Variants in CDH12 observed in about 807,000 individuals in gnomAD.
CDH12 encodes the protein cadherin 12.
In CDH12, 41 loss-of-function variants were observed where a neutral mutation model predicts 74.1. The ratio of observed to expected loss-of-function variants is 0.55; its 90% CI spans 0.43 to 0.72. The LOEUF is 0.72. Ranked by LOEUF, CDH12 falls within the 30% of genes least tolerant of loss-of-function variation. CDH12 has a pLI of 0.00. For missense variants in CDH12, 945 were observed against 977.2 expected (o/e 0.97, Z 0.44); for synonymous variants, 399 against 355.0 (o/e 1.12, Z -1.39).
At chr5:22,026,558 C>T (rs1359733360) in intron 5 of CDH12, among the ~76,000 whole-genome samples, 1 of 152,100 alleles carries the variant, frequency 6.6e-6, no homozygotes, top group African/African-American at 2.4e-5. Context: ...TCATCCATTT[C>T]CCAGAAAACT....
At chr5:22,685,012 T>C (rs536827886) in intron 1 of CDH12, among the ~76,000 whole-genome samples, 1 of 152,306 alleles carries the variant, frequency 6.6e-6, no homozygotes, top group African/African-American at 2.4e-5. Context: ...AAATAGTTTT[T>C]TGGCAGACCT....
At position 22,489,056 on chromosome 5, in the gene CDH12, CTTT is replaced by C. The variant is rs10685463; in HGVS notation, c.-428+16211_-428+16213del. ...AGTAATTGCAGTTTTTTGGTACCACCTTTTTTTTTTTTTTTTTTTGAGACAGAG... is the reference window on the plus strand; with the variant it reads ...AGTAATTGCAGTTTTTTGGTACCACCTTTTTTTTTTTTTTTTGAGACAGAG... On this transcript the variant is annotated intron_variant, in intron 2 of 14. Transcript: ENST00000382254. 3.8e-4 allele frequency among the ~76,000 whole-genome samples: 14 copies of C among 37,328 alleles called. No homozygotes were observed. In the East Asian group the frequency reaches 4.9e-3, roughly 13 times the overall value. The allele number at this position is 37,328 out of a possible 152,430, so 24.5% of individuals were successfully genotyped here.
At chr5:21,927,953 T>G (rs1216637680) in intron 6 of CDH12, among the ~76,000 whole-genome samples, 1 of 151,794 alleles carries the variant, frequency 6.6e-6, no homozygotes, top group Non-Finnish European at 1.5e-5. Context: ...GCGCCTGCAG[T>G]CCCAGCTACT....
At chr5:21,943,556 G>T (rs1337339318) in intron 6 of CDH12, among the ~76,000 whole-genome samples, 1 of 152,112 alleles carries the variant, frequency 6.6e-6, no homozygotes, top group Non-Finnish European at 1.5e-5. Flanking sequence ...AGGTCATCTG[G>T]GGTGTGCCAT....
At chr5:22,373,820 T>C (rs901633535) in intron 3 of CDH12, among the ~76,000 whole-genome samples, 8 of 152,250 alleles carry the variant, frequency 5.3e-5, no homozygotes, top group Admixed American at 3.3e-4. Flanking sequence ...TTCAAAAGGT[T>C]GGAAGAAGTG....
chr5:22,628,787 C>A (rs770727639), intron 1 of CDH12, among the ~76,000 whole-genome samples: 2 of 151,676 alleles, frequency 1.3e-5, no homozygotes, highest in Non-Finnish European at 2.9e-5. Context: ...AAAAAACTTA[C>A]AAAAGATCGA....
intron 4 of CDH12, among the ~76,000 whole-genome samples, chr5:22,201,439 T>C (rs1750919810): frequency 6.6e-6 from 1 of 152,136 alleles, no homozygotes; most frequent in Non-Finnish European, 1.5e-5. Context: ...AAATACCGCA[T>C]GTTCTCACTT....
intron 1 of CDH12, among the ~76,000 whole-genome samples, chr5:22,720,037 AACACAC>A (rs10654995): frequency 5.9e-4 from 88 of 148,430 alleles, no homozygotes; most frequent in African/African-American, 2.1e-3. Flanking sequence ...ACAAAAACAC[AACACAC>A]ACACACACAC....
At chr5:22,354,428 T>G (rs1740480378) in intron 3 of CDH12, among the ~76,000 whole-genome samples, 2 of 152,136 alleles carry the variant, frequency 1.3e-5, no homozygotes, top group South Asian at 2.1e-4. Context: ...ATTTACTACA[T>G]CTACATGTTT....
intron 8 of CDH12, among the ~76,000 whole-genome samples, chr5:21,818,323 G>A (rs1204550296): frequency 6.6e-6 from 1 of 151,846 alleles, no homozygotes; most frequent in Non-Finnish European, 1.5e-5. Context: ...GCATAGGGAA[G>A]TTCATTAAAA....
chr5:22,715,528 C>A (rs1743526248), intron 1 of CDH12, among the ~76,000 whole-genome samples: 1 of 152,076 alleles, frequency 6.6e-6, no homozygotes, highest in African/African-American at 2.4e-5. Context: ...CAAAATGGAG[C>A]ACAATAGCAA....
intron 4 of CDH12, among the ~76,000 whole-genome samples, chr5:22,095,741 A>C: frequency 6.9e-6 from 1 of 145,918 alleles, no homozygotes. Flanking sequence ...TTATTTCCAC[A>C]CCCCGACCCC....
At chr5:22,500,010 C>T (rs977643612) in intron 2 of CDH12, among the ~76,000 whole-genome samples, 8 of 152,076 alleles carry the variant, frequency 5.3e-5, no homozygotes, top group African/African-American at 2.4e-5. Context: ...GGCTCATGAT[C>T]GTCCTTGAAT....
chr5:22,126,233 T>A (rs1460166238), intron 4 of CDH12, among the ~76,000 whole-genome samples: 1 of 152,146 alleles, frequency 6.6e-6, no homozygotes, highest in African/African-American at 2.4e-5. Context: ...CTTAGGGAAA[T>A]GTGTTCAGTC....
chr5:22,456,365 C>T (rs1745275454), intron 2 of CDH12, among the ~76,000 whole-genome samples: 1 of 151,856 alleles, frequency 6.6e-6, no homozygotes, highest in South Asian at 2.1e-4. Context: ...TGTGTATTGA[C>T]TCCTGTACAC....
At chr5:21,882,687 C>A in intron 6 of CDH12, 2 of 1,589,242 alleles carry the variant, frequency 1.3e-6, no homozygotes, top group Admixed American at 3.5e-5. Flanking sequence ...AAATTTGGTG[C>A]AGATGCCCGA....
intron 2 of CDH12, among the ~76,000 whole-genome samples, chr5:22,478,366 A>T (rs1285976405): frequency 1.4e-5 from 2 of 146,924 alleles, no homozygotes; most frequent in African/African-American, 5.0e-5. Context: ...TTCAGTGAGC[A>T]GAGACCGCGC....
At chr5:22,834,767 T>G (rs7727338) in intron 1 of CDH12, among the ~76,000 whole-genome samples, 1,858 of 152,144 alleles carry the variant, frequency 0.012, 43 homozygotes, top group African/African-American at 0.043. Context: ...ATGGATCATA[T>G]TTTATACGCT....
intron 5 of CDH12, among the ~76,000 whole-genome samples, chr5:22,038,477 C>T (rs1402148418): frequency 1.3e-5 from 2 of 152,170 alleles, no homozygotes; most frequent in African/African-American, 4.8e-5. Context: ...TAAAGCTGCA[C>T]AACCCCTCCC....
Sources: allele counts gnomAD v4.1 joint callset (sites outside exome capture counted in the v4.1 genomes callset), GRCh38; gene constraint gnomAD v4.1.1; transcripts MANE v1.5; gene names NCBI Gene and HGNC (gene_info 2026-07-23, HGNC 2026-07-21).